The following NDST3 variants were observed in gnomAD, a reference collection of about 807,000 sequenced individuals.
NDST3 encodes N-deacetylase and N-sulfotransferase 3, also known as bifunctional heparan sulfate N-deacetylase/N-sulfotransferase 3.
Under a neutral mutation model 96.1 loss-of-function variants are expected in NDST3, and 58 were observed. That is an observed-to-expected ratio of 0.60 (90% CI 0.49 to 0.75). NDST3 has a LOEUF of 0.75. Among genes scored for constraint, NDST3 ranks in the 30% least tolerant of loss-of-function variants. NDST3 has a pLI of 0.00. For missense variants in NDST3, 788 were observed against 1,034.2 expected (o/e 0.76, Z 3.27); for synonymous variants, 333 against 359.7 (o/e 0.93, Z 0.84).
chr4:118,138,259 C>T lies in NDST3; in HGVS notation c.1410+20C>T, dbSNP rs1468946951. Reference sequence around the variant, plus strand: ...ATCATGGTGAGCTTCCTCCAGTATGCATAGGGTACAACTAATTCTGCAAGA... The same window carrying T: ...ATCATGGTGAGCTTCCTCCAGTATGTATAGGGTACAACTAATTCTGCAAGA... On this transcript the variant is annotated intron_variant, in intron 5 of 13. Coordinates refer to ENST00000296499, the MANE Select transcript of NDST3 (RefSeq NM_004784.3). 8 of 1,597,074 alleles carry T rather than the reference C, an allele frequency of 5.0e-6. No homozygotes were observed. Among genetic ancestry groups the T allele is most frequent in the Non-Finnish European group, 6.8e-6 (8 of 1,170,162 alleles).
intron 6 of NDST3, among the ~76,000 whole-genome samples, chr4:118,155,511 G>A (rs146662612): frequency 6.6e-6 from 1 of 152,256 alleles, no homozygotes; most frequent in African/African-American, 2.4e-5. Flanking sequence ...TGGAATAACT[G>A]GGTAAATGAT....
chr4:118,118,744 T>A (rs1466578102), intron 4 of NDST3, among the ~76,000 whole-genome samples: 1 of 151,372 alleles, frequency 6.6e-6, no homozygotes, highest in African/African-American at 2.4e-5. Flanking sequence ...CAACAGGGGA[T>A]TTTTTTTTGG....
intron 2 of NDST3, among the ~76,000 whole-genome samples, chr4:118,082,805 A>C (rs1235618940): frequency 6.6e-6 from 1 of 152,156 alleles, no homozygotes; most frequent in Non-Finnish European, 1.5e-5. Flanking sequence ...AAGAGGCTTA[A>C]TTGACTCACC....
intron 2 of NDST3, among the ~76,000 whole-genome samples, chr4:118,076,286 A>G (rs1030720991): frequency 2.6e-5 from 4 of 152,084 alleles, no homozygotes; most frequent in Non-Finnish European, 4.4e-5. Flanking sequence ...GGGAAAGGTC[A>G]TCTTGTATAG....
At chr4:118,221,044 A>T (rs2125992296) in intron 6 of NDST3, among the ~76,000 whole-genome samples, 1 of 152,140 alleles carries the variant, frequency 6.6e-6, no homozygotes, top group South Asian at 2.1e-4. Flanking sequence ...ATTAAAATGC[A>T]GGTACCAGGG....
At chr4:118,125,067 T>A (rs1270614968) in intron 4 of NDST3, among the ~76,000 whole-genome samples, 1 of 152,040 alleles carries the variant, frequency 6.6e-6, no homozygotes, top group African/African-American at 2.4e-5. Context: ...AATTTCCAAC[T>A]CCTCTCGCCT....
At position 118,143,605 on chromosome 4, in the gene NDST3, A is replaced by G; in HGVS notation, c.1460A>G (p.Lys487Arg). The stretch of plus-strand genomic sequence containing the variant: ...CTTTTCACTCACACCATTTTCTACA[A>G]AGAATATCCAGGGGGTCCTAAAGAG... ...CGLFTHTIFYKEYPGGPKELD... is the reference protein window; with the variant it reads ...CGLFTHTIFYREYPGGPKELD... The change falls in exon 6 of 14, where the codon AAA (lysine) becomes AGA (arginine). Residue 487 changes from lysine to arginine, a missense_variant. Physicochemically the swap from Lys to Arg is conservative, Grantham distance 26. This residue lies in a region of NDST3 where 490 missense variants were observed against 708.8 expected (regional missense o/e 0.69). Transcript: ENST00000296499. 6.2e-6 allele frequency: 10 copies of G among 1,609,830 alleles called. No homozygotes were observed. Among genetic ancestry groups the G allele is most frequent in the Middle Eastern group, 3.3e-4 (2 of 6,050 alleles).
At chr4:118,103,929 C>T (rs902435131) in intron 2 of NDST3, among the ~76,000 whole-genome samples, 4 of 152,146 alleles carry the variant, frequency 2.6e-5, no homozygotes, top group African/African-American at 9.7e-5. Flanking sequence ...TCTACCTCTG[C>T]TTTTAAAATC....
intron 6 of NDST3, among the ~76,000 whole-genome samples, chr4:118,148,327 C>T (rs942916325): frequency 3.9e-5 from 6 of 152,120 alleles, no homozygotes; most frequent in Admixed American, 3.9e-4. Context: ...ACTACACTTG[C>T]TTGGAATTCA....
At chr4:118,251,252 A>G (rs1461389864) in intron 12 of NDST3, among the ~76,000 whole-genome samples, 2 of 149,172 alleles carry the variant, frequency 1.3e-5, no homozygotes, top group Non-Finnish European at 3.0e-5. Flanking sequence ...TCAGCCTCCC[A>G]AGTAGCTGGG....
chr4:118,238,151 AAAGAAAAGAAAGAAAG>A (rs1740768947), intron 10 of NDST3, among the ~76,000 whole-genome samples: 5 of 68,658 alleles, frequency 7.3e-5, no homozygotes, highest in Non-Finnish European at 1.1e-4. Context: ...GAGAGAAAAG[AAAGAAAAGAAAGAAAG>A]AAAGAAAGAA....
intron 2 of NDST3, among the ~76,000 whole-genome samples, chr4:118,098,048 G>GT (rs36035970): frequency 0.53 from 79,488 of 151,290 alleles, 25,078 homozygotes; most frequent in East Asian, 0.73. Flanking sequence ...AATTACTGTG[G>GT]TTTTTTTTAA....
intron 6 of NDST3, among the ~76,000 whole-genome samples, chr4:118,166,615 A>G (rs1350480629): frequency 6.6e-6 from 1 of 152,056 alleles, no homozygotes; most frequent in East Asian, 1.9e-4. Flanking sequence ...ACTATAGGAC[A>G]ATATTCTTGA....
intron 1 of NDST3, among the ~76,000 whole-genome samples, chr4:118,036,218 T>C (rs1418276846): frequency 6.6e-6 from 1 of 152,170 alleles, no homozygotes; most frequent in Non-Finnish European, 1.5e-5. Flanking sequence ...ATCTTGGGAC[T>C]CTGATTATAT....
rs182814481 is a variant in NDST3 at position 118,167,667 on chromosome 4, A to G, written c.1539+23983A>G. On this transcript the variant is annotated intron_variant, in intron 6 of 13. Coordinates refer to ENST00000296499, the MANE Select transcript of NDST3 (RefSeq NM_004784.3). ...ACTTCCTGATTTGAAAATATATTAC[A>G]AAGATATAGTAATTAAAGCAGTATG... Among the ~76,000 whole-genome samples the G allele has an allele frequency of 2.7e-3, 415 of 152,172 alleles. 1 individual carries two copies. The highest frequency in any genetic ancestry group is 4.5e-3 in the Non-Finnish European group (309 of 67,926).
At chr4:118,136,721 C>G (rs537505109) in intron 4 of NDST3, among the ~76,000 whole-genome samples, 2 of 152,246 alleles carry the variant, frequency 1.3e-5, no homozygotes, top group South Asian at 4.1e-4. Context: ...GCATCCTCAA[C>G]TACAGCTGAC....
rs1397465099 is a variant in NDST3 at position 118,240,923 on chromosome 4, T to C, written c.2289+229T>C. On this transcript the variant is annotated intron_variant, in intron 11 of 13. Coordinates refer to ENST00000296499, the MANE Select transcript of NDST3 (RefSeq NM_004784.3). ...TATTTGCTGTGCGTACCTTTCCTGA[T>C]TGTAAAAAGCTTTGAAAGCTTTAGA... Among the ~76,000 whole-genome samples, 3 of 152,346 alleles carry C rather than the reference T, an allele frequency of 2.0e-5. No individual in the cohort carries two copies. The East Asian group carries it at 5.8e-4, about 29-fold the overall frequency.
chr4:118,194,194 C>T (rs888526424), intron 6 of NDST3: 2 of 764,070 alleles, frequency 2.6e-6, no homozygotes, highest in East Asian at 2.4e-5. Flanking sequence ...GATCCAGATT[C>T]TCCTGATGTT....
At chr4:118,216,508 G>C (rs1255328172) in intron 6 of NDST3, among the ~76,000 whole-genome samples, 1 of 151,874 alleles carries the variant, frequency 6.6e-6, no homozygotes, top group Non-Finnish European at 1.5e-5. Context: ...TATCCTTTTT[G>C]TTTTCTTTTA....
Sources: gnomAD v4.1 joint callset for allele counts (sites outside exome capture counted in the v4.1 genomes callset) on GRCh38, gnomAD v4.1.1 for gene constraint, gnomAD v4.1.1 regional missense constraint, MANE v1.5 for transcripts, NCBI Gene and HGNC (gene_info 2026-07-23, HGNC 2026-07-21) for gene names.